SDCCAG8: variants seen among roughly 807,000 people sequenced by gnomAD.
SDCCAG8 encodes SHH signaling and ciliogenesis regulator SDCCAG8.
A neutral mutation model predicts 101.8 loss-of-function variants in SDCCAG8; 74 were observed. That is an observed-to-expected ratio of 0.73 (90% CI 0.60 to 0.88). The LOEUF (loss-of-function observed/expected upper bound fraction) is 0.88, where lower values mean the gene tolerates loss of function less well. Ranked by LOEUF, SDCCAG8 falls within the 40% of genes least tolerant of loss-of-function variation. The pLI, the probability that SDCCAG8 is intolerant of heterozygous loss-of-function variation, is 0.00. For synonymous variants in SDCCAG8, 281 were observed against 292.9 expected, an observed-to-expected ratio of 0.96 and a Z score of 0.41; for missense variants, 787 against 822.6, an observed-to-expected ratio of 0.96 and a Z score of 0.53.
intron 4 of SDCCAG8, among the ~76,000 whole-genome samples, chr1:243,285,796 A>G (rs2069554809): frequency 6.6e-6 from 1 of 152,220 alleles, no homozygotes; most frequent in Non-Finnish European, 1.5e-5. Flanking sequence ...ATGTTTTACT[A>G]CAATTCTCTC....
intron 13 of SDCCAG8, among the ~76,000 whole-genome samples, chr1:243,386,927 C>G (rs1411767437): frequency 6.6e-6 from 1 of 152,126 alleles, no homozygotes; most frequent in Non-Finnish European, 1.5e-5. Context: ...TATTATAATG[C>G]CATTGTCATT....
chr1:243,303,475 C>T lies in SDCCAG8; in HGVS notation c.676-1238C>T, dbSNP rs545494159. On this transcript the variant is annotated intron_variant, in intron 6 of 17. Transcript: ENST00000366541. Reference sequence around the variant, plus strand: ...CCTCCTAACTCCTGCATCTCTTCTGCCTCTGCCATCCCTGAGAAGACAAGA... The same window carrying T: ...CCTCCTAACTCCTGCATCTCTTCTGTCTCTGCCATCCCTGAGAAGACAAGA... Among the ~76,000 whole-genome samples the T allele has an allele frequency of 5.9e-5, 9 of 152,296 alleles. No individual in the cohort carries two copies. In the South Asian group the frequency reaches 1.7e-3, roughly 28 times the overall value.
chr1:243,265,007 T>G (rs2067477442), intron 1 of SDCCAG8, among the ~76,000 whole-genome samples: 1 of 152,194 alleles, frequency 6.6e-6, no homozygotes, highest in African/African-American at 2.4e-5. Flanking sequence ...CTGGTTTCCT[T>G]AAATGTAAGG....
Position 243,274,602 on chromosome 1 carries a change from T to C in SDCCAG8, c.366T>C (p.Ile122=), listed in dbSNP as rs2149268701. 6.2e-7 allele frequency: 1 copy of C among 1,611,856 alleles called. No homozygotes were observed. Reference sequence around the variant, plus strand: ...CTATGCACGACCTTGTTCATACTATTAATGACCAGTCTCAATATATTCATC... The same window carrying C: ...CTATGCACGACCTTGTTCATACTATCAATGACCAGTCTCAATATATTCATC... ...MPTMHDLVHT[I]NDQSQYIHHL... Residue 122 remains isoleucine, a synonymous_variant, in exon 4 of 18, where the codon ATT becomes ATC. Coordinates refer to ENST00000366541, the MANE Select transcript of SDCCAG8 (RefSeq NM_006642.5).
intron 13 of SDCCAG8, among the ~76,000 whole-genome samples, chr1:243,415,011 A>G (rs191438800): frequency 2.6e-5 from 4 of 152,084 alleles, no homozygotes; most frequent in Non-Finnish European, 4.4e-5. Flanking sequence ...ACCCAGTGGG[A>G]TAGGTCAGTG....
At chr1:243,401,111 C>A (rs758555535) in intron 13 of SDCCAG8, among the ~76,000 whole-genome samples, 4 of 152,102 alleles carry the variant, frequency 2.6e-5, no homozygotes, top group Non-Finnish European at 4.4e-5. Context: ...CTATAAATAA[C>A]CATCTTGTAA....
At chr1:243,319,269 C>A (rs1453506003) in intron 9 of SDCCAG8, among the ~76,000 whole-genome samples, 1 of 152,186 alleles carries the variant, frequency 6.6e-6, no homozygotes, top group African/African-American at 2.4e-5. Context: ...GTATCCAAAC[C>A]ATATCACACT....
intron 6 of SDCCAG8, among the ~76,000 whole-genome samples, chr1:243,302,867 A>T (rs751545147): frequency 1.6e-4 from 25 of 152,254 alleles, no homozygotes; most frequent in Non-Finnish European, 3.2e-4. Context: ...CAAGAACATC[A>T]TGAAAGTGTG....
intron 1 of SDCCAG8, among the ~76,000 whole-genome samples, chr1:243,259,355 C>T (rs1256384912): frequency 1.3e-5 from 2 of 151,282 alleles, no homozygotes; most frequent in African/African-American, 4.9e-5. Flanking sequence ...TGCAGTGAGC[C>T]GAGATCGCGC....
At chr1:243,356,589 A>G (rs1043793231) in intron 12 of SDCCAG8, among the ~76,000 whole-genome samples, 2 of 152,170 alleles carry the variant, frequency 1.3e-5, no homozygotes, top group Non-Finnish European at 2.9e-5. Context: ...CATCAGTATA[A>G]TAATGCATCA....
At chr1:243,379,620 T>G (rs73118365) in intron 13 of SDCCAG8, among the ~76,000 whole-genome samples, 8,384 of 152,216 alleles carry the variant, frequency 0.055, 792 homozygotes, top group African/African-American at 0.19. Flanking sequence ...ATATTTCACT[T>G]TATCATATGT....
At chr1:243,478,080 A>G (rs904257689) in intron 16 of SDCCAG8, among the ~76,000 whole-genome samples, 1 of 152,100 alleles carries the variant, frequency 6.6e-6, no homozygotes, top group Non-Finnish European at 1.5e-5. Context: ...TGGCCTAGGG[A>G]TTTCCCTCTT....
At chr1:243,375,830 G>A (rs2077567922) in intron 12 of SDCCAG8, among the ~76,000 whole-genome samples, 1 of 152,164 alleles carries the variant, frequency 6.6e-6, no homozygotes, top group Non-Finnish European at 1.5e-5. Context: ...TTTCTGGCAA[G>A]AGATTTCTCT....
chr1:243,439,966 T>C (rs943319175), intron 16 of SDCCAG8, among the ~76,000 whole-genome samples: 3 of 152,198 alleles, frequency 2.0e-5, no homozygotes, highest in Non-Finnish European at 4.4e-5. Context: ...CTTCCCAGGT[T>C]GTAGCAAGAC....
At chr1:243,381,589 TA>T (rs779677193) in intron 13 of SDCCAG8, among the ~76,000 whole-genome samples, 210 of 143,236 alleles carry the variant, frequency 1.5e-3, no homozygotes, top group Non-Finnish European at 1.4e-3. Context: ...ACCCTGTCTC[TA>T]AAAAAAAAAA....
At chr1:243,498,096 C>A (rs951914401) in intron 17 of SDCCAG8, among the ~76,000 whole-genome samples, 2 of 152,210 alleles carry the variant, frequency 1.3e-5, no homozygotes, top group Admixed American at 6.5e-5. Flanking sequence ...ACCAGGCCAC[C>A]TGCCTTATGT....
intron 12 of SDCCAG8, among the ~76,000 whole-genome samples, chr1:243,368,293 A>G (rs533978443): frequency 6.6e-6 from 1 of 152,186 alleles, no homozygotes; most frequent in South Asian, 2.1e-4. Flanking sequence ...TTTAGAAATC[A>G]TAACATTTGG....
intron 17 of SDCCAG8, 111 bp from the exon 18 acceptor site, chr1:243,499,645 T>C: frequency 2.3e-6 from 2 of 888,746 alleles, no homozygotes; most frequent in South Asian, 1.4e-5. Context: ...AACAGGTTTT[T>C]TTCTCCAACA....
At chr1:243,283,084 A>G (rs1203770447) in intron 4 of SDCCAG8, among the ~76,000 whole-genome samples, 1 of 151,940 alleles carries the variant, frequency 6.6e-6, no homozygotes, top group East Asian at 1.9e-4. Flanking sequence ...TGACCCTCAC[A>G]TGATCCGCCT....
Sources: gnomAD v4.1 joint callset for allele counts (sites outside exome capture counted in the v4.1 genomes callset) on GRCh38, gnomAD v4.1.1 for gene constraint, MANE v1.5 for transcripts, NCBI Gene and HGNC (gene_info 2026-07-23, HGNC 2026-07-21) for gene names.